The following RNF214 variants were observed in gnomAD, a reference collection of about 807,000 sequenced individuals.
RNF214 encodes the protein ring finger protein 214.
A neutral mutation model predicts 75.9 loss-of-function variants in RNF214; 25 were observed. The ratio of observed to expected loss-of-function variants is 0.33; its 90% CI spans 0.24 to 0.46. The LOEUF (loss-of-function observed/expected upper bound fraction) is 0.46, where lower values mean the gene tolerates loss of function less well. RNF214 is among the 20% of genes least tolerant of loss of function. The pLI is 1.00. For missense variants in RNF214, 725 were observed against 857.5 expected (o/e 0.85, Z 1.93); for synonymous variants, 314 against 308.8 (o/e 1.02, Z -0.18).
chr11:117,244,828 G>A (rs1366316067), intron 5 of RNF214, among the ~76,000 whole-genome samples: 1 of 151,516 alleles, frequency 6.6e-6, no homozygotes, highest in Non-Finnish European at 1.5e-5. Flanking sequence ...ACTATGCCTG[G>A]CTCATTTTTT....
At chr11:117,278,611 G>T (rs1281058415) in intron 6 of RNF214, among the ~76,000 whole-genome samples, 3 of 152,170 alleles carry the variant, frequency 2.0e-5, no homozygotes, top group Non-Finnish European at 4.4e-5. Context: ...GTTGGTCACT[G>T]TCATGCTGAG....
chr11:117,259,050 G>A (rs561045332), intron 6 of RNF214, among the ~76,000 whole-genome samples: 1 of 152,220 alleles, frequency 6.6e-6, no homozygotes, highest in South Asian at 2.1e-4. Context: ...TCCGCCTGCC[G>A]GGTTTGAGCA....
At chr11:117,264,388 T>C (rs2033749572) in intron 6 of RNF214, among the ~76,000 whole-genome samples, 2 of 152,118 alleles carry the variant, frequency 1.3e-5, no homozygotes, top group South Asian at 4.1e-4. Flanking sequence ...TTTTCAGAGC[T>C]ATTCCTATAT....
intron 6 of RNF214, among the ~76,000 whole-genome samples, chr11:117,279,232 G>A (rs913265969): frequency 1.3e-5 from 2 of 151,766 alleles, no homozygotes; most frequent in South Asian, 4.2e-4. Context: ...GAACGTAGAA[G>A]AATGTTCTGC....
chr11:117,254,511 T>C (rs2033474706), intron 6 of RNF214, among the ~76,000 whole-genome samples: 1 of 152,220 alleles, frequency 6.6e-6, no homozygotes, highest in African/African-American at 2.4e-5. Flanking sequence ...GGTCTGTTAC[T>C]GGATTTACTT....
In RNF214 at chr11:117,244,426, C is replaced by T. The variant is rs773423864; in HGVS notation, c.679-19C>T. ...TGATTAAATTAGGAAATAAGCTTTT[C>T]TTGTCTTGTTCATAATAGGATAAAA... is the stretch of plus-strand genomic sequence containing the variant. On this transcript the variant is annotated intron_variant, in intron 4 of 14. Coordinates refer to ENST00000300650, the MANE Select transcript of RNF214 (RefSeq NM_207343.4). 6.2e-7 allele frequency: 1 copy of T among 1,601,446 alleles called. No individual in the cohort carries two copies. Among genetic ancestry groups the T allele is most frequent in the Non-Finnish European group, 8.5e-7 (1 of 1,173,364 alleles).
chr11:117,272,576 C>A (rs1236979852), intron 6 of RNF214, among the ~76,000 whole-genome samples: 1 of 151,798 alleles, frequency 6.6e-6, no homozygotes, highest in Non-Finnish European at 1.5e-5. Context: ...ACATATTCTG[C>A]ACTAGTATTC....
chr11:117,261,322 G>A (rs1336456662), intron 6 of RNF214, among the ~76,000 whole-genome samples: 1 of 152,142 alleles, frequency 6.6e-6, no homozygotes, highest in Admixed American at 6.5e-5. Flanking sequence ...GCTCATGCCT[G>A]TAATCCCAGC....
chr11:117,243,534 A>G (rs2134363344), intron 4 of RNF214, among the ~76,000 whole-genome samples: 1 of 152,324 alleles, frequency 6.6e-6, no homozygotes, highest in South Asian at 2.1e-4. Flanking sequence ...TTATTATTTA[A>G]TGAAAAAATT....
chr11:117,240,581 G>A (rs1196535321), intron 4 of RNF214, among the ~76,000 whole-genome samples: 4 of 151,576 alleles, frequency 2.6e-5, no homozygotes, highest in Non-Finnish European at 5.9e-5. Flanking sequence ...CCAGCTACTC[G>A]GGAGGCTGAG....
intron 6 of RNF214, chr11:117,263,865 A>G: frequency 3.4e-6 from 1 of 292,520 alleles, no homozygotes; most frequent in Non-Finnish European, 6.8e-6. Context: ...AGTTCTAACA[A>G]GGTAGTCTGG....
At chr11:117,246,366 A>G (rs2033226732) in intron 5 of RNF214, among the ~76,000 whole-genome samples, 1 of 152,158 alleles carries the variant, frequency 6.6e-6, no homozygotes, top group Admixed American at 6.6e-5. Flanking sequence ...TGTTGTTGTT[A>G]AAGAGTAAAA....
Position 117,238,879 on chromosome 11 carries a change from A to G in RNF214, c.386A>G (p.His129Arg), listed in dbSNP as rs1373716706. 6.2e-7 allele frequency: 1 copy of G among 1,614,230 alleles called. No individual in the cohort carries two copies. Among genetic ancestry groups the G allele is most frequent in the Admixed American group, 1.7e-5 (1 of 60,022 alleles). ...EGDTSLRESL[H>R]PVTRSLKAGC... ...GACACAAGCCTTCGGGAGAGCCTCC[A>G]TCCAGTCACTCGGTCTCTTAAGGCA... The change falls in exon 3 of 15, where the codon CAT (histidine) becomes CGT (arginine). Residue 129 changes from histidine (H) to arginine (R), a missense_variant. By Grantham distance (29) the His-to-Arg change is conservative. Around this residue, in one of 2 missense-constraint regions of RNF214, gnomAD observed 362 missense variants for 344.5 expected, o/e 1.05. Coordinates refer to ENST00000300650, the MANE Select transcript of RNF214 (RefSeq NM_207343.4).
intron 6 of RNF214, among the ~76,000 whole-genome samples, chr11:117,252,016 G>C (rs2033408355): frequency 6.6e-6 from 1 of 152,002 alleles, no homozygotes; most frequent in Non-Finnish European, 1.5e-5. Flanking sequence ...CTACAGGCCT[G>C]TGCCACCACG....
chr11:117,249,015 C>T (rs753656291), intron 6 of RNF214, among the ~76,000 whole-genome samples: 1 of 152,074 alleles, frequency 6.6e-6, no homozygotes, highest in Non-Finnish European at 1.5e-5. Context: ...CTCCACCTCC[C>T]GGGTTCAAGT....
chr11:117,245,343 CTTT>C (rs550778591), intron 5 of RNF214, among the ~76,000 whole-genome samples: 8 of 139,684 alleles, frequency 5.7e-5, no homozygotes, highest in Non-Finnish European at 1.1e-4. Context: ...TACTCATAGA[CTTT>C]TTTTTTTTTT....
chr11:117,277,740 G>A (rs888544191), intron 6 of RNF214, among the ~76,000 whole-genome samples: 1 of 152,204 alleles, frequency 6.6e-6, no homozygotes, highest in Non-Finnish European at 1.5e-5. Context: ...GGGAGGCTGA[G>A]GTGGGTGGAT....
intron 6 of RNF214, among the ~76,000 whole-genome samples, chr11:117,279,629 G>A (rs1347149400): frequency 1.3e-5 from 2 of 152,156 alleles, no homozygotes; most frequent in Non-Finnish European, 1.5e-5. Flanking sequence ...CAGCCACCAC[G>A]CCCGGTCACA....
Position 117,238,772 on chromosome 11 carries a change from G to T in RNF214, c.279G>T (p.Leu93Phe), listed in dbSNP as rs1180982631. Residue 93 changes from leucine (L) to phenylalanine (F), a missense_variant, in exon 3 of 15, where the codon TTG (leucine) becomes TTT (phenylalanine). Transcript: ENST00000300650. Reference sequence around the variant, plus strand: ...ACCAGGTGGTTTTAGGAGAAAACTTGATAGCCACAGCCCTTTGTCTTTCTG... The same window carrying T: ...ACCAGGTGGTTTTAGGAGAAAACTTTATAGCCACAGCCCTTTGTCTTTCTG... ...AAHQVVLGENLIATALCLSGS... is the reference protein window; with the variant it reads ...AAHQVVLGENFIATALCLSGS... 6.2e-7 allele frequency: 1 copy of T among 1,614,200 alleles called. No individual in the cohort carries two copies. Among genetic ancestry groups the T allele is most frequent in the Non-Finnish European group, 8.5e-7 (1 of 1,180,040 alleles).
Sources: allele counts gnomAD v4.1 joint callset (sites outside exome capture counted in the v4.1 genomes callset), GRCh38; gene constraint gnomAD v4.1.1; regional missense constraint gnomAD v4.1.1; transcripts MANE v1.5; gene names NCBI Gene and HGNC (gene_info 2026-07-23, HGNC 2026-07-21).